Variants in FRMD4A observed in about 807,000 individuals in gnomAD.
The protein encoded by FRMD4A is FERM domain-containing protein 4A.
FRMD4A carries 29 observed loss-of-function variants against 129.1 expected under a neutral mutation model. That is an observed-to-expected ratio of 0.22 (90% CI 0.17 to 0.31). FRMD4A has a LOEUF of 0.31. Ranked by LOEUF, FRMD4A falls within the 10% of genes least tolerant of loss-of-function variation. The pLI, the probability that FRMD4A is intolerant of heterozygous loss-of-function variation, is 1.00. For synonymous variants in FRMD4A, 634 were observed against 571.6 expected, an observed-to-expected ratio of 1.11 and a Z score of -1.56; for missense variants, 1,272 against 1,375.8, an observed-to-expected ratio of 0.92 and a Z score of 1.19.
chr10:14,056,768 A>G (rs1420017635), intron 2 of FRMD4A, among the ~76,000 whole-genome samples: 3 of 152,212 alleles, frequency 2.0e-5, no homozygotes, highest in Non-Finnish European at 4.4e-5. Flanking sequence ...ATAGTCAGGC[A>G]TTTCACATCC....
In FRMD4A at chr10:14,163,790, A is replaced by C. The variant is rs556723722; in HGVS notation, c.45+166268T>G. On this transcript the variant is annotated intron_variant, in intron 2 of 24. Transcript: ENST00000357447. ...TAAACGGCTACATGTTTGAGACATC[A>C]GAAATCCCCAGAAATCTTCATCTCA... Among the ~76,000 whole-genome samples the C allele has an allele frequency of 3.9e-5, 6 of 152,356 alleles. No homozygotes were observed. The South Asian group carries it at 1.2e-3, about 32-fold the overall frequency.
intron 5 of FRMD4A, among the ~76,000 whole-genome samples, chr10:13,788,936 C>T (rs1453309200): frequency 6.6e-6 from 1 of 152,210 alleles, no homozygotes; most frequent in Non-Finnish European, 1.5e-5. Flanking sequence ...CTCCTCCATT[C>T]TCCCTGCTCT....
intron 2 of FRMD4A, among the ~76,000 whole-genome samples, chr10:14,040,069 T>G (rs915336523): frequency 2.0e-5 from 3 of 152,150 alleles, no homozygotes; most frequent in African/African-American, 7.2e-5. Context: ...CATATGGTGC[T>G]TAATTATTTT....
intron 4 of FRMD4A, among the ~76,000 whole-genome samples, chr10:13,806,047 G>A (rs1322463361): frequency 1.3e-5 from 2 of 152,044 alleles, no homozygotes; most frequent in African/African-American, 4.8e-5. Context: ...TAGTGGAGAC[G>A]GGGTTTTGCC....
chr10:14,247,703 G>A (rs1327903301), intron 2 of FRMD4A, among the ~76,000 whole-genome samples: 1 of 152,170 alleles, frequency 6.6e-6, no homozygotes, highest in African/African-American at 2.4e-5. Flanking sequence ...TCCGAGTGAA[G>A]AAGAGGGAAG....
intron 2 of FRMD4A, among the ~76,000 whole-genome samples, chr10:14,264,372 G>A (rs1166353584): frequency 1.3e-5 from 2 of 152,262 alleles, no homozygotes; most frequent in East Asian, 3.9e-4. Flanking sequence ...TGCAACCGCT[G>A]ATTAATTTCC....
intron 2 of FRMD4A, among the ~76,000 whole-genome samples, chr10:14,256,324 G>A (rs1016425069): frequency 1.3e-5 from 2 of 152,060 alleles, no homozygotes; most frequent in African/African-American, 2.4e-5. Context: ...TTTCTCTATG[G>A]CATGACTGTA....
rs557113225 is a variant in FRMD4A at position 13,764,791 on chromosome 10, T to C, written c.385-2111A>G. On this transcript the variant is annotated intron_variant, in intron 6 of 24. Transcript: ENST00000357447. ...CAAGATCCCATAGTGGCTGACTGGA[T>C]GACAGAGAGCTAGAGGTAAAAGAGA... Among the ~76,000 whole-genome samples the C allele has an allele frequency of 4.6e-5, 7 of 152,298 alleles. No individual in the cohort carries two copies. In the South Asian group the frequency reaches 1.4e-3, roughly 32 times the overall value.
intron 12 of FRMD4A, among the ~76,000 whole-genome samples, chr10:13,712,989 C>T (rs532785275): frequency 7.9e-5 from 12 of 152,302 alleles, no homozygotes; most frequent in African/African-American, 2.6e-4. Context: ...TTATGGAGAG[C>T]TGGGACTGCA....
At chr10:14,104,661 C>T (rs1837492318) in intron 2 of FRMD4A, among the ~76,000 whole-genome samples, 1 of 152,244 alleles carries the variant, frequency 6.6e-6, no homozygotes, top group African/African-American at 2.4e-5. Flanking sequence ...TCCCCAGCCA[C>T]TCTGGTCTCC....
intron 2 of FRMD4A, among the ~76,000 whole-genome samples, chr10:14,293,643 C>T (rs1032552348): frequency 2.6e-5 from 4 of 151,216 alleles, no homozygotes; most frequent in African/African-American, 7.3e-5. Flanking sequence ...AAGCAATGCC[C>T]GTTGACCAGT....
At position 13,835,721 on chromosome 10, in the gene FRMD4A, C is replaced by A. The variant is rs186000155; in HGVS notation, c.111+23126G>T. 1.1e-4 allele frequency among the ~76,000 whole-genome samples: 16 copies of A among 152,214 alleles called. No individual in the cohort carries two copies. In the East Asian group the frequency reaches 2.7e-3, roughly 26 times the overall value. ...TAGTTGCAAGAAAATAAGTTCAGGG[C>A]TCCCACTGATAGGACATTATGGTAA... is the stretch of plus-strand genomic sequence containing the variant. On this transcript the variant is annotated intron_variant, in intron 3 of 24. Transcript: ENST00000357447.
chr10:13,700,820 C>CTTTTTTTTTTTTTTT (rs71503097), intron 14 of FRMD4A, among the ~76,000 whole-genome samples: 1 of 44,708 alleles, frequency 2.2e-5, no homozygotes, highest in African/African-American at 8.6e-5. Flanking sequence ...AGGGTAGTTG[C>CTTTTTTTTTTTTTTT]TTTTTTTTTT....
At chr10:13,994,503 G>C (rs1299280633) in intron 2 of FRMD4A, among the ~76,000 whole-genome samples, 1 of 151,970 alleles carries the variant, frequency 6.6e-6, no homozygotes, top group Non-Finnish European at 1.5e-5. Flanking sequence ...TTGTACTTTC[G>C]TAGAGACACG....
chr10:14,047,341 C>T (rs1834032309), intron 2 of FRMD4A, among the ~76,000 whole-genome samples: 1 of 152,124 alleles, frequency 6.6e-6, no homozygotes, highest in African/African-American at 2.4e-5. Context: ...CAGTGAATCT[C>T]CCAAACAGTA....
At chr10:14,093,672 T>C (rs1836781797) in intron 2 of FRMD4A, among the ~76,000 whole-genome samples, 1 of 149,048 alleles carries the variant, frequency 6.7e-6, no homozygotes, top group Non-Finnish European at 1.5e-5. Context: ...AACCATATTA[T>C]GAATAAAATT....
chr10:13,845,101 G>A (rs2094023744), intron 3 of FRMD4A, among the ~76,000 whole-genome samples: 1 of 152,108 alleles, frequency 6.6e-6, no homozygotes, highest in African/African-American at 2.4e-5. Flanking sequence ...CATGATACTG[G>A]GACGCAACCA....
intron 2 of FRMD4A, among the ~76,000 whole-genome samples, chr10:14,218,114 G>A (rs1843131695): frequency 6.6e-6 from 1 of 152,224 alleles, no homozygotes; most frequent in African/African-American, 2.4e-5. Flanking sequence ...ATAGGCATGA[G>A]CCATGGTGCC....
intron 2 of FRMD4A, among the ~76,000 whole-genome samples, chr10:14,291,163 T>G (rs573931009): frequency 4.6e-5 from 7 of 152,156 alleles, no homozygotes; most frequent in Non-Finnish European, 1.0e-4. Context: ...AACATTTGCT[T>G]CTTTCTGGAT....
Sources: gnomAD v4.1 joint callset for allele counts (sites outside exome capture counted in the v4.1 genomes callset) on GRCh38, gnomAD v4.1.1 for gene constraint, MANE v1.5 for transcripts, NCBI Gene and HGNC (gene_info 2026-07-23, HGNC 2026-07-21) for gene names.